CSNK1G2: variants seen among roughly 807,000 people sequenced by gnomAD.
The protein encoded by CSNK1G2 is casein kinase I isoform gamma-2.
In CSNK1G2, 11 loss-of-function variants were observed where a neutral mutation model predicts 48.0. The ratio of observed to expected loss-of-function variants is 0.23; its 90% CI spans 0.14 to 0.38. CSNK1G2 has a LOEUF of 0.38. Ranked by LOEUF, CSNK1G2 falls within the 10% of genes least tolerant of loss-of-function variation. CSNK1G2 has a pLI of 1.00. For synonymous variants in CSNK1G2, 337 were observed against 254.1 expected (o/e 1.33, Z -3.10); for missense variants, 446 against 595.5 (o/e 0.75, Z 2.61).
chr19:1,955,997 G>A (rs887360399), intron 1 of CSNK1G2, among the ~76,000 whole-genome samples: 4 of 152,212 alleles, frequency 2.6e-5, no homozygotes, highest in Non-Finnish European at 5.9e-5. Flanking sequence ...GCGGAGCAGG[G>A]TCGGCACACA....
rs574588705 is a variant in CSNK1G2 at position 1,973,207 on chromosome 19, G to A, written c.187+3248G>A. On this transcript the variant is annotated intron_variant, in intron 2 of 11. Transcript: ENST00000255641. Reference sequence around the variant, plus strand: ...CTCCCAAAGTGCTGGGATTACAGGCGTGAGCCACCGCGCCTGGCCTTGCTT... The same window carrying A: ...CTCCCAAAGTGCTGGGATTACAGGCATGAGCCACCGCGCCTGGCCTTGCTT... Among the ~76,000 whole-genome samples, 57 of 151,822 alleles carry A rather than the reference G, an allele frequency of 3.8e-4. 1 individual carries two copies. Among genetic ancestry groups the A allele is most frequent in the South Asian group, 2.9e-3 (14 of 4,810 alleles).
chr19:1,960,821 G>A (rs1030892954), intron 1 of CSNK1G2, among the ~76,000 whole-genome samples: 10 of 151,994 alleles, frequency 6.6e-5, no homozygotes, highest in African/African-American at 1.4e-4. Flanking sequence ...CCCGGGAGGC[G>A]GAGGCTGCGG....
intron 2 of CSNK1G2, among the ~76,000 whole-genome samples, chr19:1,971,474 C>T (rs1227743027): frequency 6.6e-6 from 1 of 152,254 alleles, no homozygotes; most frequent in Admixed American, 6.5e-5. Context: ...TGTGTGTGTG[C>T]ACGCTCAGAC....
intron 1 of CSNK1G2, among the ~76,000 whole-genome samples, chr19:1,962,286 G>A (rs1036040909): frequency 2.7e-5 from 4 of 149,966 alleles, no homozygotes; most frequent in African/African-American, 5.0e-5. Flanking sequence ...AGTCGAGTTC[G>A]TGCCACTGCA....
intron 1 of CSNK1G2, among the ~76,000 whole-genome samples, 184 bp downstream of exon 1, chr19:1,941,602 A>C (rs1418369206): frequency 1.2e-4 from 4 of 32,380 alleles, no homozygotes; most frequent in African/African-American, 4.5e-4. Context: ...GCTGACCCCC[A>C]CACTCAGGGC....
In CSNK1G2 at chr19:1,979,852, A is replaced by G. The variant is rs769181164; in HGVS notation, c.1086+17A>G. The G allele has an allele frequency of 1.2e-6, 2 of 1,602,382 alleles. No homozygotes were observed. The highest frequency in any genetic ancestry group is 2.3e-5 in the East Asian group (1 of 44,288). On this transcript the variant is annotated intron_variant, in intron 10 of 11. Coordinates refer to ENST00000255641, the MANE Select transcript of CSNK1G2 (RefSeq NM_001319.7). Reference sequence around the variant, plus strand: ...AAAAACCAGGTGAGGCCCGGGCGGGACCGACCGCCCCAGGGAGGGGCATGG... The same window carrying G: ...AAAAACCAGGTGAGGCCCGGGCGGGGCCGACCGCCCCAGGGAGGGGCATGG...
intron 1 of CSNK1G2, among the ~76,000 whole-genome samples, chr19:1,964,814 C>T (rs373260647): frequency 2.6e-5 from 4 of 151,674 alleles, no homozygotes; most frequent in Non-Finnish European, 4.4e-5. Flanking sequence ...CAAGCTCCCC[C>T]TCCCGGGTTC....
At chr19:1,948,385 C>T (rs1223110364) in intron 1 of CSNK1G2, among the ~76,000 whole-genome samples, 1 of 151,960 alleles carries the variant, frequency 6.6e-6, no homozygotes, top group African/African-American at 2.4e-5. Flanking sequence ...TAGCCGGGCG[C>T]GGTGGCAGGC....
rs533048080 is a variant in CSNK1G2 at position 1,969,609 on chromosome 19, G to A, written c.-164G>A. On this transcript the variant is annotated 5_prime_UTR_variant, in exon 2 of 12. Transcript: ENST00000255641. ...CTGAGAAGAGCAGCGCGGCCTGGCC[G>A]GCCCGAACGCCTGCGTCTCAGTAGC... 21 of 533,224 alleles carry A rather than the reference G, an allele frequency of 3.9e-5. No homozygotes were observed. Among genetic ancestry groups the A allele is most frequent in the African/African-American group, 9.9e-5 (5 of 50,724 alleles). 33.0% of individuals were successfully genotyped at this position (533,224 alleles called of 1,614,324 possible). A position where few individuals can be genotyped will look rare whatever the true frequency, so the allele number is the denominator to read the frequency against.
At chr19:1,954,216 T>G (rs2014897417) in intron 1 of CSNK1G2, 2 of 352,162 alleles carry the variant, frequency 5.7e-6, no homozygotes, top group Non-Finnish European at 1.1e-5. Flanking sequence ...GAGGGCGCCC[T>G]TCCGTCTGCC....
At chr19:1,950,025 T>C (rs1015368167) in intron 1 of CSNK1G2, among the ~76,000 whole-genome samples, 7 of 152,380 alleles carry the variant, frequency 4.6e-5, no homozygotes, top group Admixed American at 4.6e-4. Context: ...AGGCATCCAG[T>C]GTCCACAGAG....
chr19:1,969,845 C>A lies in CSNK1G2; in HGVS notation c.73C>A (p.Arg25=). ...GRRMSKAGGG[R]SSHGIRSSGT... is the part of the protein sequence containing the mutation. ...GAGAATGTCCAAGGCCGGCGGGGGC[C>A]GGAGCAGCCACGGCATCCGGAGCTC... is the stretch of plus-strand genomic sequence containing the variant. Residue 25 remains arginine, a synonymous_variant, in exon 2 of 12, where the codon CGG becomes AGG. Coordinates refer to ENST00000255641, the MANE Select transcript of CSNK1G2 (RefSeq NM_001319.7). 1 of 1,311,028 alleles carries A rather than the reference C, an allele frequency of 7.6e-7. No homozygotes were observed. The highest frequency in any genetic ancestry group is 9.8e-7 in the Non-Finnish European group (1 of 1,021,236). 81.2% of individuals were successfully genotyped at this position (1,311,028 alleles called of 1,614,324 possible). A position where few individuals can be genotyped will look rare whatever the true frequency, so the allele number is the denominator to read the frequency against.
At chr19:1,960,210 C>T (rs922041494) in intron 1 of CSNK1G2, among the ~76,000 whole-genome samples, 1 of 152,200 alleles carries the variant, frequency 6.6e-6, no homozygotes, top group African/African-American at 2.4e-5. Flanking sequence ...ACATCCGGGA[C>T]CTGGGGCCTT....
intron 2 of CSNK1G2, among the ~76,000 whole-genome samples, chr19:1,974,348 G>A (rs952981038): frequency 6.6e-6 from 1 of 152,134 alleles, no homozygotes; most frequent in Non-Finnish European, 1.5e-5. Context: ...GGCTGGATTC[G>A]CCCTTTAGTC....
chr19:1,978,703 G>C lies in CSNK1G2; in HGVS notation c.400G>C (p.Asp134His). The part of the protein sequence containing the change: ...PSLEDLFDLC[D>H]RTFTLKTVLM... The stretch of plus-strand genomic sequence containing the variant: ...CCTGGAGGACCTGTTCGACCTGTGC[G>C]ACCGGACCTTCACGCTCAAGACGGT... Residue 134 changes from aspartate to histidine, a missense_variant, in exon 5 of 12, where the codon GAC (aspartate) becomes CAC (histidine). Asp to His is a moderately conservative substitution (Grantham distance 81). Around this residue, in one of 2 missense-constraint regions of CSNK1G2, gnomAD observed 258 missense variants for 415.9 expected, o/e 0.62. Transcript: ENST00000255641. This position sits in a 1 kb window ranked among gnomAD's most constrained non-coding sequence, Gnocchi z 7.3. 6.2e-7 allele frequency: 1 copy of C among 1,602,166 alleles called. No individual in the cohort carries two copies. Among genetic ancestry groups the C allele is most frequent in the Non-Finnish European group, 8.5e-7 (1 of 1,174,774 alleles).
At chr19:1,958,342 G>T (rs1344696375) in intron 1 of CSNK1G2, among the ~76,000 whole-genome samples, 1 of 152,016 alleles carries the variant, frequency 6.6e-6, no homozygotes, top group Non-Finnish European at 1.5e-5. Context: ...CCGTCTTGCA[G>T]GGCTCAGCAG....
At chr19:1,953,732 A>C in intron 1 of CSNK1G2, 1 of 400,850 alleles carries the variant, frequency 2.5e-6, no homozygotes, top group Admixed American at 3.0e-5. Flanking sequence ...ACATCCCCCC[A>C]ACAGGGTCTG....
chr19:1,946,282 ATTTATTT>A (rs1480575568), intron 1 of CSNK1G2, among the ~76,000 whole-genome samples: 1 of 140,728 alleles, frequency 7.1e-6, no homozygotes, highest in African/African-American at 2.5e-5. Flanking sequence ...TTATTTATTT[ATTTATTT>A]TTTATTTATT....
intron 1 of CSNK1G2, among the ~76,000 whole-genome samples, chr19:1,948,985 C>T (rs2014669717): frequency 6.6e-6 from 1 of 152,132 alleles, no homozygotes. Context: ...AAGCCTCTGT[C>T]CTCGTCGTGT....
Sources: allele counts gnomAD v4.1 joint callset (sites outside exome capture counted in the v4.1 genomes callset), GRCh38; gene constraint gnomAD v4.1.1; regional missense constraint gnomAD v4.1.1; non-coding constraint Gnocchi (gnomAD v3.1); transcripts MANE v1.5; gene names NCBI Gene and HGNC (gene_info 2026-07-23, HGNC 2026-07-21).